CRTAC1: variants seen among roughly 807,000 people sequenced by gnomAD.
CRTAC1 encodes cartilage acidic protein 1.
Under a neutral mutation model 67.8 loss-of-function variants are expected in CRTAC1, and 37 were observed. The observed-to-expected ratio is 0.55, with a 90% confidence interval of 0.42 to 0.72. The LOEUF (loss-of-function observed/expected upper bound fraction) is 0.72, where lower values mean the gene tolerates loss of function less well. Among genes scored for constraint, CRTAC1 ranks in the 30% least tolerant of loss-of-function variants. The pLI is 0.00. For synonymous variants in CRTAC1, 348 were observed against 371.0 expected, an observed-to-expected ratio of 0.94 and a Z score of 0.71; for missense variants, 780 against 931.6, an observed-to-expected ratio of 0.84 and a Z score of 2.12.
At chr10:98,013,420 T>G (rs924336554) in intron 1 of CRTAC1, among the ~76,000 whole-genome samples, 5 of 152,352 alleles carry the variant, frequency 3.3e-5, no homozygotes, top group Non-Finnish European at 5.9e-5. Context: ...AGAATTATGA[T>G]CTAGCCTCTT....
At chr10:97,900,738 C>A (rs2050525074) in intron 8 of CRTAC1, among the ~76,000 whole-genome samples, 1 of 122,882 alleles carries the variant, frequency 8.1e-6, no homozygotes, top group Admixed American at 7.7e-5. Flanking sequence ...GACCCCGTAG[C>A]CCCTTTTCCT....
At chr10:97,965,679 A>C (rs565694991) in intron 2 of CRTAC1, among the ~76,000 whole-genome samples, 15 of 152,238 alleles carry the variant, frequency 9.9e-5, no homozygotes, top group Admixed American at 3.3e-4. Context: ...TCCCTAAAGT[A>C]AAGTCATTTT....
chr10:98,019,874 C>T (rs1843080293), intron 1 of CRTAC1, among the ~76,000 whole-genome samples: 1 of 152,196 alleles, frequency 6.6e-6, no homozygotes, highest in South Asian at 2.1e-4. Context: ...CCTGTCTTGT[C>T]CTTTCTCTTA....
intron 3 of CRTAC1, among the ~76,000 whole-genome samples, chr10:97,931,910 G>A (rs556861418): frequency 6.6e-6 from 1 of 152,292 alleles, no homozygotes; most frequent in South Asian, 2.1e-4. Context: ...GTCAGCACCT[G>A]TCTCTTGTCC....
At chr10:97,944,685 T>C (rs1256712017) in intron 2 of CRTAC1, among the ~76,000 whole-genome samples, 1 of 152,220 alleles carries the variant, frequency 6.6e-6, no homozygotes, top group Non-Finnish European at 1.5e-5. Flanking sequence ...GTGATTTGCC[T>C]TGATTGCAGA....
chr10:97,915,753 C>T (rs918016040), intron 5 of CRTAC1, among the ~76,000 whole-genome samples: 8 of 152,150 alleles, frequency 5.3e-5, no homozygotes, highest in Admixed American at 3.3e-4. Flanking sequence ...CTGGAGAAGG[C>T]GCGCAGACAG....
chr10:97,950,244 C>G (rs201289443), intron 2 of CRTAC1, among the ~76,000 whole-genome samples: 34,290 of 111,198 alleles, frequency 0.31, 4,706 homozygotes, highest in South Asian at 0.38. Context: ...CACACACACA[C>G]ACAGAGAGAG....
chr10:97,890,148 A>T (rs2050347908), intron 11 of CRTAC1, among the ~76,000 whole-genome samples: 1 of 151,876 alleles, frequency 6.6e-6, no homozygotes, highest in African/African-American at 2.4e-5. Flanking sequence ...ACAGGCTCTC[A>T]CTCTGTTACC....
At chr10:97,984,324 A>G (rs1548052) in intron 2 of CRTAC1, among the ~76,000 whole-genome samples, 22,081 of 152,178 alleles carry the variant, frequency 0.15, 1,822 homozygotes, top group African/African-American at 0.22. Flanking sequence ...TCCCTCCCCC[A>G]TCTGAGCAGT....
intron 4 of CRTAC1, among the ~76,000 whole-genome samples, chr10:97,920,085 G>C (rs1199771405): frequency 3.3e-5 from 5 of 152,114 alleles, no homozygotes; most frequent in African/African-American, 1.2e-4. Context: ...ACTTTGAGAA[G>C]TTCTCAGCCA....
Position 97,901,519 on chromosome 10 carries a change from C to T in CRTAC1, c.1117G>A (p.Ala373Thr). The change falls in exon 8 of 15, where the codon GCC becomes ACC. Residue 373 changes from alanine (A) to threonine (T), a missense_variant. Transcript: ENST00000370597. ...FNNIAYRSSS[A>T]NRLFRVIRRE... ...AGCATCTACCGGAAGAGGCGGTTGG[C>T]TGAGGAGCTGCGGTAGGCAATGTTG... 6.2e-7 allele frequency: 1 copy of T among 1,614,168 alleles called. No homozygotes were observed. Among genetic ancestry groups the T allele is most frequent in the Non-Finnish European group, 8.5e-7 (1 of 1,180,026 alleles).
intron 3 of CRTAC1, among the ~76,000 whole-genome samples, chr10:97,935,635 G>C (rs898690967): frequency 5.3e-5 from 8 of 152,234 alleles, no homozygotes; most frequent in Non-Finnish European, 8.8e-5. Flanking sequence ...TGTGTCCTCA[G>C]CATCTCTAGG....
At chr10:97,970,528 G>A (rs1304760011) in intron 2 of CRTAC1, among the ~76,000 whole-genome samples, 1 of 152,176 alleles carries the variant, frequency 6.6e-6, no homozygotes, top group Non-Finnish European at 1.5e-5. Context: ...TGCTCCAGCA[G>A]AGAAGGCTAC....
intron 14 of CRTAC1, among the ~76,000 whole-genome samples, chr10:97,876,773 T>C (rs1395619606): frequency 6.6e-6 from 1 of 151,902 alleles, no homozygotes; most frequent in Non-Finnish European, 1.5e-5. Flanking sequence ...CTCCCACGGG[T>C]CTCAGAGAAA....
At chr10:98,016,757 G>GTCCCAC (rs1321646505) in intron 1 of CRTAC1, among the ~76,000 whole-genome samples, 7 of 152,308 alleles carry the variant, frequency 4.6e-5, no homozygotes, top group African/African-American at 1.7e-4. Flanking sequence ...CCCCAGCCTT[G>GTCCCAC]TGGTCCCCAG....
In CRTAC1 at chr10:97,975,845, C is replaced by T. The variant is rs931432999; in HGVS notation, c.224+35293G>A. Among the ~76,000 whole-genome samples, 5 of 152,198 alleles carry T rather than the reference C, an allele frequency of 3.3e-5. No homozygotes were observed. The highest frequency in any genetic ancestry group is 6.5e-5 in the Admixed American group (1 of 15,292). On this transcript the variant is annotated intron_variant, in intron 2 of 14. Coordinates refer to ENST00000370597, the MANE Select transcript of CRTAC1 (RefSeq NM_018058.7). The surrounding 1 kb of genome is among the most constrained non-coding windows in gnomAD (Gnocchi z 4.8). ...ACTCGGTGAGCGTGCTCCTGGGCCC[C>T]CAATGAGGAGCTAGCTCCCGGCTGC... is the stretch of plus-strand genomic sequence containing the variant.
At position 97,989,745 on chromosome 10, in the gene CRTAC1, A is replaced by G. The variant is rs566797159; in HGVS notation, c.224+21393T>C. On this transcript the variant is annotated intron_variant, in intron 2 of 14. Coordinates refer to ENST00000370597, the MANE Select transcript of CRTAC1 (RefSeq NM_018058.7). ...TATTAGCTATTATTGTCTCTACTTT[A>G]TAGATGAGAAAACCAAAACTCAGAG... 1.4e-4 allele frequency among the ~76,000 whole-genome samples: 21 copies of G among 152,360 alleles called. No individual in the cohort carries two copies. In the East Asian group the frequency reaches 4.0e-3, roughly 29 times the overall value.
chr10:97,917,356 G>T, intron 5 of CRTAC1, 144 bp downstream of exon 5: 1 of 525,288 alleles, frequency 1.9e-6, no homozygotes, highest in Non-Finnish European at 3.1e-6. Context: ...GTGGCAGGAT[G>T]GAATGGAGCC....
chr10:97,940,560 C>T (rs946219668), intron 2 of CRTAC1, among the ~76,000 whole-genome samples: 1 of 152,252 alleles, frequency 6.6e-6, no homozygotes, highest in African/African-American at 2.4e-5. Context: ...AAGGGCATGA[C>T]CAACCCGTGC....
Sources: gnomAD v4.1 joint callset for allele counts (sites outside exome capture counted in the v4.1 genomes callset) on GRCh38, gnomAD v4.1.1 for gene constraint, Gnocchi (gnomAD v3.1) non-coding constraint, MANE v1.5 for transcripts, NCBI Gene and HGNC (gene_info 2026-07-23, HGNC 2026-07-21) for gene names.